CDH1: variants seen among roughly 807,000 people sequenced by gnomAD.
CDH1 encodes cadherin-1.
In CDH1, 35 loss-of-function variants were observed where a neutral mutation model predicts 84.5. The observed-to-expected ratio is 0.41, with a 90% CI of 0.32 to 0.55. The LOEUF (loss-of-function observed/expected upper bound fraction) is 0.55. CDH1 is among the 20% of genes least tolerant of loss of function. The probability of loss-of-function intolerance (pLI) is 0.19; values close to 1 mark genes in which losing one functional copy is unlikely to be tolerated. For synonymous variants in CDH1, 417 were observed against 439.0 expected, an observed-to-expected ratio of 0.95 and a Z score of 0.63; for missense variants, 994 against 1,126.6, an observed-to-expected ratio of 0.88 and a Z score of 1.68.
intron 2 of CDH1, among the ~76,000 whole-genome samples, chr16:68,743,339 CTTTCTTTCT>C (rs1962624492): frequency 4.1e-5 from 1 of 24,318 alleles, no homozygotes; most frequent in Non-Finnish European, 9.6e-5. Flanking sequence ...TTCTTTCTTT[CTTTCTTTCT>C]TTCTTTCTTT....
At chr16:68,760,581 G>A (rs1178523851) in intron 2 of CDH1, among the ~76,000 whole-genome samples, 2 of 151,950 alleles carry the variant, frequency 1.3e-5, no homozygotes, top group African/African-American at 4.8e-5. Flanking sequence ...CTTTAATCTG[G>A]GCAAGGTGTC....
chr16:68,779,584 G>A (rs1199594398), intron 2 of CDH1, among the ~76,000 whole-genome samples: 19 of 152,196 alleles, frequency 1.2e-4, no homozygotes, highest in Admixed American at 7.9e-4. Context: ...GGCCGGGCAC[G>A]ATGGCTCACA....
chr16:68,811,718 G>A lies in CDH1; in HGVS notation c.867G>A (p.Ala289=), dbSNP rs754143182. The change falls in exon 7 of 16, where the codon GCG becomes GCA. Residue 289 remains alanine (A), a synonymous_variant. Transcript: ENST00000261769. ...TGATGGAGGTCACAGCCACAGACGC[G>A]GACGATGATGTGAACACCTACAATG... The part of the protein sequence containing the change: ...TSVMEVTATD[A]DDDVNTYNAA... 76 of 1,613,852 alleles carry A rather than the reference G, an allele frequency of 4.7e-5. 1 individual carries two copies. The highest frequency in any genetic ancestry group is 1.4e-4 in the South Asian group (13 of 91,072).
chr16:68,749,100 G>C (rs1962823175), intron 2 of CDH1, among the ~76,000 whole-genome samples: 1 of 152,234 alleles, frequency 6.6e-6, no homozygotes, highest in South Asian at 2.1e-4. Flanking sequence ...GCCTCCCAAA[G>C]TGCTGGGATT....
At chr16:68,831,769 C>T (rs1004567034) in intron 15 of CDH1, among the ~76,000 whole-genome samples, 1 of 151,920 alleles carries the variant, frequency 6.6e-6, no homozygotes, top group African/African-American at 2.4e-5. Context: ...AAACTCCTGA[C>T]CTCGGGTGAT....
chr16:68,751,163 C>T (rs939029631), intron 2 of CDH1, among the ~76,000 whole-genome samples: 17 of 152,156 alleles, frequency 1.1e-4, no homozygotes, highest in African/African-American at 3.1e-4. Flanking sequence ...GAAAATATCA[C>T]GCCTGCTCCA....
In CDH1 at chr16:68,834,411, C is replaced by G; in HGVS notation, c.*912C>G. 2.6e-6 allele frequency: 1 copy of G among 380,316 alleles called. No individual in the cohort carries two copies. Among genetic ancestry groups the G allele is most frequent in the Non-Finnish European group, 5.1e-6 (1 of 195,892 alleles). 23.6% of individuals were successfully genotyped at this position (380,316 alleles called of 1,614,324 possible). ...TTTTATTTTTTTGTACAGATGGGGT[C>G]TTGCTATGTTGCCCAAGCTGGTCTT... is the stretch of plus-strand genomic sequence containing the variant. On this transcript the variant is annotated 3_prime_UTR_variant, in exon 16 of 16. Coordinates refer to ENST00000261769, the MANE Select transcript of CDH1 (RefSeq NM_004360.5).
At chr16:68,762,700 G>C (rs1057144019) in intron 2 of CDH1, among the ~76,000 whole-genome samples, 3 of 152,080 alleles carry the variant, frequency 2.0e-5, no homozygotes, top group African/African-American at 7.2e-5. Flanking sequence ...CCTGAAGTCA[G>C]GAGTTTGAGA....
chr16:68,818,567 G>A (rs1208478268), intron 10 of CDH1, among the ~76,000 whole-genome samples: 1 of 145,054 alleles, frequency 6.9e-6, no homozygotes, highest in Non-Finnish European at 1.5e-5. Flanking sequence ...ACGGAGTTTC[G>A]GCCGGGCGCG....
At chr16:68,806,234 C>A (rs1960656531) in intron 3 of CDH1, among the ~76,000 whole-genome samples, 2 of 151,832 alleles carry the variant, frequency 1.3e-5, no homozygotes, top group African/African-American at 4.8e-5. Flanking sequence ...TCACTGCAAC[C>A]TCTGCCTCCC....
chr16:68,760,700 C>T (rs1959211908), intron 2 of CDH1, among the ~76,000 whole-genome samples: 2 of 152,170 alleles, frequency 1.3e-5, no homozygotes, highest in African/African-American at 4.8e-5. Context: ...GCCTTGTTTC[C>T]AGGAGTTTGG....
chr16:68,810,517 C>A (rs1013752001), intron 6 of CDH1, among the ~76,000 whole-genome samples, 176 bp downstream of exon 6: 18 of 152,058 alleles, frequency 1.2e-4, no homozygotes, highest in Non-Finnish European at 2.6e-4. Context: ...CCTGTGGAAA[C>A]ATATAAAATA....
At chr16:68,829,624 T>C (rs765515896) in intron 14 of CDH1, 30 bp from the exon 15 acceptor site, 12 of 1,611,968 alleles carry the variant, frequency 7.4e-6, no homozygotes, top group Admixed American at 6.7e-5. Flanking sequence ...TTCCTACTCT[T>C]CATTGTACTT....
In CDH1 at chr16:68,755,282, CAAAAAA is replaced by C. The variant is rs1188775959; in HGVS notation, c.163+16888_163+16893del. On this transcript the variant is annotated intron_variant, in intron 2 of 15. Coordinates refer to ENST00000261769, the MANE Select transcript of CDH1 (RefSeq NM_004360.5). Reference sequence around the variant, plus strand: ...TGGGTGACAGGGCAAGACTCTGTCTCAAAAAAAAAAAAAAAAAAAAAATAGAATTGG... The same window carrying C: ...TGGGTGACAGGGCAAGACTCTGTCTCAAAAAAAAAAAAAAAATAGAATTGG... 3.4e-3 allele frequency among the ~76,000 whole-genome samples: 322 copies of C among 96,030 alleles called. 2 individuals carry two copies. The highest frequency in any genetic ancestry group is 0.011 in the African/African-American group (297 of 26,624). 63.0% of individuals were successfully genotyped at this position (96,030 alleles called of 152,430 possible).
At chr16:68,790,335 G>A (rs1051778688) in intron 2 of CDH1, among the ~76,000 whole-genome samples, 2 of 152,044 alleles carry the variant, frequency 1.3e-5, no homozygotes, top group Non-Finnish European at 2.9e-5. Flanking sequence ...GAATCCAACA[G>A]AAAGAAAAAG....
rs1472847421 is a variant in CDH1, at chr16:68,801,976, AT to A, written c.387+87del. On this transcript the variant is annotated intron_variant, in intron 3 of 15. Coordinates refer to ENST00000261769, the MANE Select transcript of CDH1 (RefSeq NM_004360.5). ...GTTTCTCAGCCTTGGTACCGTTGAC[AT>A]TTTGGGCTGGATGATTTTGTGTTGT... The A allele has an allele frequency of 3.5e-6, 4 of 1,159,016 alleles. No individual in the cohort carries two copies. The East Asian group carries it at 9.7e-5, about 28-fold the overall frequency. 71.8% of individuals were successfully genotyped at this position (1,159,016 alleles called of 1,614,324 possible). A position where few individuals can be genotyped will look rare whatever the true frequency, so the allele number is the denominator to read the frequency against.
intron 5 of CDH1, 175 bp downstream of exon 5, chr16:68,809,023 G>A (rs1960749161): frequency 1.5e-6 from 1 of 648,514 alleles, no homozygotes; most frequent in Non-Finnish European, 2.7e-6. Flanking sequence ...GTTTGGGGTT[G>A]TTAATTTTTC....
At chr16:68,764,925 G>A (rs1479288555) in intron 2 of CDH1, among the ~76,000 whole-genome samples, 1 of 152,174 alleles carries the variant, frequency 6.6e-6, no homozygotes, top group Non-Finnish European at 1.5e-5. Flanking sequence ...TGGATGATTT[G>A]ACAAGTTAAC....
At chr16:68,819,967 G>A (rs1961096066) in intron 11 of CDH1, among the ~76,000 whole-genome samples, 2 of 152,144 alleles carry the variant, frequency 1.3e-5, no homozygotes, top group Non-Finnish European at 2.9e-5. Context: ...GAGAGGCTGA[G>A]GTGGGAGGAT....
Sources: gnomAD v4.1 joint callset for allele counts (sites outside exome capture counted in the v4.1 genomes callset) on GRCh38, gnomAD v4.1.1 for gene constraint, MANE v1.5 for transcripts, NCBI Gene and HGNC (gene_info 2026-07-23, HGNC 2026-07-21) for gene names.